The following GRIN2B variants were observed in gnomAD, a reference collection of about 807,000 sequenced individuals.
GRIN2B encodes the protein glutamate receptor ionotropic, NMDA 2B.
In GRIN2B, 5 loss-of-function variants were observed where a neutral mutation model predicts 114.5. The ratio of observed to expected loss-of-function variants is 0.04; its 90% CI spans 0.02 to 0.09. The LOEUF (loss-of-function observed/expected upper bound fraction) is 0.09. Ranked by LOEUF, GRIN2B falls within the 10% of genes least tolerant of loss-of-function variation. GRIN2B has a pLI of 1.00. For missense variants in GRIN2B, 1,108 were observed against 1,943.5 expected, an observed-to-expected ratio of 0.57 and a Z score of 8.08; for synonymous variants, 787 against 745.1, an observed-to-expected ratio of 1.06 and a Z score of -0.92.
In GRIN2B at chr12:13,552,091, G is replaced by A. The variant is rs1948420373; in HGVS notation, c.*10692C>T. ...TGCTGTTCTCCTGTCAGATTTCAGA[G>A]ACTATGAATCTCTTACTGCAAGGGG... On this transcript the variant is annotated 3_prime_UTR_variant, in exon 14 of 14. Coordinates refer to ENST00000609686, the MANE Select transcript of GRIN2B (RefSeq NM_000834.5). The A allele has an allele frequency of 6.6e-6, 1 of 152,154 alleles. No individual in the cohort carries two copies. The highest frequency in any genetic ancestry group is 2.4e-5 in the African/African-American group (1 of 41,412). The allele number at this position is 152,154 out of a possible 1,614,324, so 9.4% of individuals were successfully genotyped here. A position where few individuals can be genotyped will look rare whatever the true frequency, so the allele number is the denominator to read the frequency against.
At chr12:13,916,737 T>TCACACAAA (rs1555156758) in intron 2 of GRIN2B, among the ~76,000 whole-genome samples, 1 of 139,900 alleles carries the variant, frequency 7.1e-6, no homozygotes, top group East Asian at 2.2e-4. Flanking sequence ...ACACACACAT[T>TCACACAAA]TGTGTGTGTG....
intron 5 of GRIN2B, among the ~76,000 whole-genome samples, chr12:13,629,468 C>T (rs1440376693): frequency 6.6e-6 from 1 of 152,130 alleles, no homozygotes; most frequent in Non-Finnish European, 1.5e-5. Context: ...TCCACTTGGC[C>T]CCCAGAGTGA....
rs527566514 is a variant in GRIN2B, at chr12:13,874,135, C to T, written c.-18-7909G>A. On this transcript the variant is annotated intron_variant, in intron 2 of 13. Transcript: ENST00000609686. ...GCCAAAAGCAAAGGTGATACTGGATCTCTTGGCAGCAATATTTCTGCTACA... is the reference window on the plus strand; with the variant it reads ...GCCAAAAGCAAAGGTGATACTGGATTTCTTGGCAGCAATATTTCTGCTACA... Among the ~76,000 whole-genome samples the T allele has an allele frequency of 2.6e-5, 4 of 152,338 alleles. No homozygotes were observed. In the East Asian group the frequency reaches 7.7e-4, roughly 29 times the overall value.
At chr12:13,628,538 G>A (rs1949591226) in intron 5 of GRIN2B, among the ~76,000 whole-genome samples, 1 of 152,170 alleles carries the variant, frequency 6.6e-6, no homozygotes, top group South Asian at 2.1e-4. Flanking sequence ...ATATAGCTCA[G>A]GACACTAATG....
At chr12:13,783,847 G>A (rs1014314394) in intron 3 of GRIN2B, among the ~76,000 whole-genome samples, 1 of 151,592 alleles carries the variant, frequency 6.6e-6, no homozygotes, top group African/African-American at 2.4e-5. Context: ...AACTAGAAGA[G>A]GCTGAGCCTG....
chr12:13,970,803 T>C (rs1306618381), intron 2 of GRIN2B, among the ~76,000 whole-genome samples: 1 of 152,106 alleles, frequency 6.6e-6, no homozygotes, highest in African/African-American at 2.4e-5. Flanking sequence ...TGAGCACCTG[T>C]ATTTGGCCAG....
intron 3 of GRIN2B, among the ~76,000 whole-genome samples, chr12:13,813,997 C>G (rs982950601): frequency 2.0e-5 from 3 of 152,152 alleles, no homozygotes; most frequent in Middle Eastern, 3.2e-3. Context: ...GGCAATGACT[C>G]AGAGGTGAAA....
chr12:13,588,678 T>C (rs1948965128), intron 10 of GRIN2B, among the ~76,000 whole-genome samples: 1 of 152,234 alleles, frequency 6.6e-6, no homozygotes, highest in African/African-American at 2.4e-5. Flanking sequence ...CCTGACCACA[T>C]ACTGCATGCA....
intron 3 of GRIN2B, among the ~76,000 whole-genome samples, chr12:13,831,918 T>G (rs1865154990): frequency 6.6e-6 from 1 of 152,340 alleles, no homozygotes; most frequent in South Asian, 2.1e-4. Flanking sequence ...CAGGAGAACG[T>G]GCCTTTGGAA....
At chr12:13,808,748 A>ATAT (rs1388525573) in intron 3 of GRIN2B, among the ~76,000 whole-genome samples, 2,186 of 110,252 alleles carry the variant, frequency 0.02, 68 homozygotes, top group African/African-American at 0.05. Context: ...TATAATAAAA[A>ATAT]AAAAATATAT....
chr12:13,887,914 G>C (rs531467835), intron 2 of GRIN2B, among the ~76,000 whole-genome samples: 1 of 152,182 alleles, frequency 6.6e-6, no homozygotes, highest in Non-Finnish European at 1.5e-5. Flanking sequence ...TGGTGACAAT[G>C]GCTCTATCTT....
intron 3 of GRIN2B, among the ~76,000 whole-genome samples, chr12:13,810,702 T>C (rs1864713707): frequency 6.6e-6 from 1 of 152,238 alleles, no homozygotes; most frequent in Non-Finnish European, 1.5e-5. Flanking sequence ...AGATTCTATG[T>C]CCTTCTTCTT....
At chr12:13,609,579 C>G (rs971189227) in intron 9 of GRIN2B, among the ~76,000 whole-genome samples, 1 of 152,096 alleles carries the variant, frequency 6.6e-6, no homozygotes. Flanking sequence ...CGAGACCATC[C>G]TGGCTAACAC....
intron 4 of GRIN2B, among the ~76,000 whole-genome samples, chr12:13,736,046 C>G (rs1341196381): frequency 1.3e-5 from 2 of 150,826 alleles, no homozygotes; most frequent in Non-Finnish European, 2.9e-5. Context: ...CCACTTCTCA[C>G]TTTTACCTTT....
rs1297726133 is a variant in GRIN2B, at chr12:13,878,066, A to C, written c.-18-11840T>G. Among the ~76,000 whole-genome samples, 94 of 14,740 alleles carry C rather than the reference A, an allele frequency of 6.4e-3. 1 individual carries two copies. The East Asian group carries it at 0.33, about 52-fold the overall frequency. 9.7% of individuals were successfully genotyped at this position (14,740 alleles called of 152,430 possible). ...GTGACAGAGCAAGACTCTGTCTCAA[A>C]AAAAAAAAAAAAAAAAAAAAAATCT... is the stretch of plus-strand genomic sequence containing the variant. On this transcript the variant is annotated intron_variant, in intron 2 of 13. Transcript: ENST00000609686.
At chr12:13,886,653 A>T (rs1466862850) in intron 2 of GRIN2B, among the ~76,000 whole-genome samples, 2 of 152,200 alleles carry the variant, frequency 1.3e-5, no homozygotes, top group African/African-American at 4.8e-5. Flanking sequence ...CAAGGAGAGC[A>T]GCTGCCTGGT....
rs949735750 is a variant in GRIN2B, at chr12:13,875,190, C to T, written c.-18-8964G>A. 3.3e-5 allele frequency among the ~76,000 whole-genome samples: 5 copies of T among 151,980 alleles called. 1 individual carries two copies. The East Asian group carries it at 9.7e-4, about 29-fold the overall frequency. ...CTATGTAACAAACCTGCACATCCTG[C>T]ATATGTACCCCAGAACTTAAAATAA... On this transcript the variant is annotated intron_variant, in intron 2 of 13. Transcript: ENST00000609686.
chr12:13,599,385 C>T (rs1239362689), intron 10 of GRIN2B, among the ~76,000 whole-genome samples: 1 of 152,168 alleles, frequency 6.6e-6, no homozygotes, highest in African/African-American at 2.4e-5. Flanking sequence ...AACACAAAAG[C>T]CCAGAGCAGC....
chr12:13,812,844 T>C (rs1476249976), intron 3 of GRIN2B, among the ~76,000 whole-genome samples: 1 of 152,084 alleles, frequency 6.6e-6, no homozygotes. Context: ...ACTGTAGACA[T>C]CTGTAGAGGC....
Sources: gnomAD v4.1 joint callset for allele counts (sites outside exome capture counted in the v4.1 genomes callset) on GRCh38, gnomAD v4.1.1 for gene constraint, MANE v1.5 for transcripts, NCBI Gene and HGNC (gene_info 2026-07-23, HGNC 2026-07-21) for gene names.